The following ARHGAP6 variants were observed in gnomAD, a reference collection of about 807,000 sequenced individuals.
ARHGAP6 encodes Rho GTPase activating protein 6.
In ARHGAP6, 16 loss-of-function variants were observed where a neutral mutation model predicts 55.7. The ratio of observed to expected loss-of-function variants is 0.29; its 90% confidence interval spans 0.19 to 0.44. The LOEUF is 0.44. ARHGAP6 is among the 20% of genes least tolerant of loss of function. The pLI, the probability that ARHGAP6 is intolerant of heterozygous loss-of-function variation, is 1.00. For synonymous variants in ARHGAP6, 382 were observed against 360.9 expected (o/e 1.06, Z -0.66); for missense variants, 698 against 808.9 (o/e 0.86, Z 1.66).
At chrX:11,520,229 G>A (rs1436341498) in intron 1 of ARHGAP6, among the ~76,000 whole-genome samples, 2 of 85,398 alleles carry the variant, frequency 2.3e-5, no homozygotes, top group Non-Finnish European at 4.5e-5. Context: ...TGTTACATAT[G>A]TATACATGTG....
At chrX:11,595,587 A>T (rs1197444729) in intron 1 of ARHGAP6, among the ~76,000 whole-genome samples, 1 of 112,077 alleles carries the variant, frequency 8.9e-6, no homozygotes, top group African/African-American at 3.2e-5. Flanking sequence ...GGATCTAATT[A>T]AACTGAAGAG....
At chrX:11,397,227 T>C (rs1345322445) in intron 1 of ARHGAP6, among the ~76,000 whole-genome samples, 6 of 111,651 alleles carry the variant, frequency 5.4e-5, no homozygotes, top group Non-Finnish European at 1.1e-4. Context: ...ATGGAAATTA[T>C]TGATCTTTCA....
intron 1 of ARHGAP6, among the ~76,000 whole-genome samples, chrX:11,286,149 G>A (rs1342732503): frequency 9.0e-6 from 1 of 111,731 alleles, no homozygotes; most frequent in Non-Finnish European, 1.9e-5. Flanking sequence ...AAAGACCACT[G>A]GCATATACTA....
At chrX:11,602,227 A>T (rs748748522) in intron 1 of ARHGAP6, among the ~76,000 whole-genome samples, 4 of 111,583 alleles carry the variant, frequency 3.6e-5, no homozygotes, top group Non-Finnish European at 5.6e-5. Flanking sequence ...AAAAAGCAAT[A>T]CCTCCCATCA....
intron 1 of ARHGAP6, among the ~76,000 whole-genome samples, chrX:11,408,642 C>T (rs771086458): frequency 9.0e-4 from 99 of 110,244 alleles, no homozygotes; most frequent in African/African-American, 3.1e-3. Flanking sequence ...CCAGTATGGA[C>T]GCTGCTGCCC....
intron 1 of ARHGAP6, among the ~76,000 whole-genome samples, chrX:11,277,437 C>CAA (rs372487424): frequency 9.4e-6 from 1 of 106,296 alleles, no homozygotes; most frequent in Non-Finnish European, 2.0e-5. Context: ...TAGCCAAAAA[C>CAA]AAAAAAAAAA....
chrX:11,520,117 T>A (rs2050897562), intron 1 of ARHGAP6, among the ~76,000 whole-genome samples: 1 of 64,731 alleles, frequency 1.5e-5, no homozygotes, highest in Non-Finnish European at 2.8e-5. Flanking sequence ...TCTTTAACAG[T>A]TAGAGAATTG....
chrX:11,342,935 C>T (rs1022722729), intron 1 of ARHGAP6, among the ~76,000 whole-genome samples: 4 of 112,175 alleles, frequency 3.6e-5, no homozygotes, highest in Admixed American at 1.9e-4. Context: ...GAATAATTGA[C>T]TTGTTCTTGA....
chrX:11,442,935 A>G (rs2050054388), intron 1 of ARHGAP6, among the ~76,000 whole-genome samples: 2 of 112,380 alleles, frequency 1.8e-5, no homozygotes, highest in Non-Finnish European at 3.8e-5. Flanking sequence ...TTCTATCATT[A>G]AAGAGATGTG....
At chrX:11,595,965 C>T in intron 1 of ARHGAP6, among the ~76,000 whole-genome samples, 1 of 112,294 alleles carries the variant, frequency 8.9e-6, no homozygotes, top group Middle Eastern at 4.6e-3. Flanking sequence ...CACTTTTACA[C>T]TGTTGGTGGG....
At chrX:11,424,283 A>G (rs753760021) in intron 1 of ARHGAP6, among the ~76,000 whole-genome samples, 1 of 112,791 alleles carries the variant, frequency 8.9e-6, no homozygotes, top group Non-Finnish European at 1.9e-5. Flanking sequence ...TTCTTCAATC[A>G]GGAAACAGAA....
intron 1 of ARHGAP6, among the ~76,000 whole-genome samples, chrX:11,519,282 C>A (rs1310840829): frequency 1.8e-5 from 2 of 109,098 alleles, no homozygotes; most frequent in Non-Finnish European, 3.8e-5. Context: ...TTCTCCACAT[C>A]CTCCCCAGCA....
chrX:11,198,881 T>G (rs938267491), intron 2 of ARHGAP6, among the ~76,000 whole-genome samples: 1 of 112,343 alleles, frequency 8.9e-6, no homozygotes, highest in African/African-American at 3.2e-5. Context: ...AAACTACCTG[T>G]ATGCTTCCCT....
At chrX:11,572,714 A>T (rs373770196) in intron 1 of ARHGAP6, among the ~76,000 whole-genome samples, 19 of 111,910 alleles carry the variant, frequency 1.7e-4, no homozygotes, top group Admixed American at 3.8e-4. Flanking sequence ...AGTAATGGGA[A>T]GGCTGGGTCA....
chrX:11,213,162 C>T (rs1228910910), intron 2 of ARHGAP6, among the ~76,000 whole-genome samples: 1 of 112,955 alleles, frequency 8.9e-6, no homozygotes, highest in Admixed American at 9.3e-5. Context: ...CCTAGGACCT[C>T]ACCCCCGGGC....
intron 1 of ARHGAP6, among the ~76,000 whole-genome samples, chrX:11,336,476 C>G (rs1013651156): frequency 9.0e-6 from 1 of 111,603 alleles, no homozygotes; most frequent in Non-Finnish European, 1.9e-5. Context: ...GACGCTGGCA[C>G]TCTCTCACCA....
chrX:11,271,838 C>T (rs779262069), intron 1 of ARHGAP6, among the ~76,000 whole-genome samples: 12 of 111,571 alleles, frequency 1.1e-4, no homozygotes, highest in Admixed American at 4.8e-4. Context: ...AAAATATATG[C>T]GGCTACATTT....
At chrX:11,230,137 C>T (rs2047106780) in intron 2 of ARHGAP6, among the ~76,000 whole-genome samples, 1 of 111,957 alleles carries the variant, frequency 8.9e-6, no homozygotes, top group Non-Finnish European at 1.9e-5. Flanking sequence ...GACTATTCTA[C>T]AGTGGAAGGA....
At chrX:11,296,504 C>T (rs1398716174) in intron 1 of ARHGAP6, among the ~76,000 whole-genome samples, 4 of 111,711 alleles carry the variant, frequency 3.6e-5, no homozygotes, top group Non-Finnish European at 7.5e-5. Context: ...TTTCTGCTTC[C>T]AGGTCTCCAG....
Sources: allele counts gnomAD v4.1 joint callset (sites outside exome capture counted in the v4.1 genomes callset), GRCh38; gene constraint gnomAD v4.1.1; transcripts MANE v1.5; gene names NCBI Gene and HGNC (gene_info 2026-07-23, HGNC 2026-07-21).